MRTFA: variants seen among roughly 807,000 people sequenced by gnomAD.
The protein encoded by MRTFA is myocardin-related transcription factor A.
In MRTFA, 20 loss-of-function variants were observed where a neutral mutation model predicts 83.5. The observed-to-expected ratio is 0.24, with a 90% CI of 0.17 to 0.35. The LOEUF is 0.35. Ranked by LOEUF, MRTFA falls within the 10% of genes least tolerant of loss-of-function variation. MRTFA has a pLI of 1.00. For synonymous variants in MRTFA, 659 were observed against 541.2 expected (o/e 1.22, Z -3.02); for missense variants, 1,200 against 1,224.7 (o/e 0.98, Z 0.30).
intron 1 of MRTFA, among the ~76,000 whole-genome samples, chr22:40,599,252 C>G: frequency 6.6e-6 from 1 of 150,720 alleles, no homozygotes; most frequent in Non-Finnish European, 1.5e-5. Flanking sequence ...GAGCCGAGAT[C>G]GGGCCATTGC....
intron 2 of MRTFA, among the ~76,000 whole-genome samples, chr22:40,583,367 C>A (rs752360825): frequency 6.6e-6 from 1 of 152,178 alleles, no homozygotes; most frequent in Non-Finnish European, 1.5e-5. Flanking sequence ...AATTTTCCTG[C>A]AGAAGTGCCT....
At chr22:40,539,902 TATC>T (rs376110766) in intron 3 of MRTFA, among the ~76,000 whole-genome samples, 2 of 149,790 alleles carry the variant, frequency 1.3e-5, no homozygotes, top group African/African-American at 4.9e-5. Flanking sequence ...TTTTCACGGT[TATC>T]TTTTTTTTTT....
At chr22:40,420,702 G>A (rs995635709) in intron 10 of MRTFA, 126 bp from the exon 11 acceptor site, 30 of 1,533,414 alleles carry the variant, frequency 2.0e-5, no homozygotes, top group Non-Finnish European at 2.5e-5. Context: ...CAAAGGCTAG[G>A]GTGGCCCTGC....
chr22:40,502,768 G>A (rs1015419054), intron 3 of MRTFA, among the ~76,000 whole-genome samples: 2 of 151,614 alleles, frequency 1.3e-5, no homozygotes, highest in Non-Finnish European at 2.9e-5. Context: ...CCCGGGCGGC[G>A]CTCGCCGGCG....
chr22:40,523,156 C>A (rs118014095), intron 3 of MRTFA, among the ~76,000 whole-genome samples: 1 of 150,848 alleles, frequency 6.6e-6, no homozygotes, highest in South Asian at 2.1e-4. Context: ...AAATTGTGAA[C>A]GTTTATCTAA....
chr22:40,465,270 A>C (rs1211142601), intron 3 of MRTFA, among the ~76,000 whole-genome samples: 1 of 152,132 alleles, frequency 6.6e-6, no homozygotes, highest in East Asian at 1.9e-4. Flanking sequence ...TCCCTTACTG[A>C]TATATGTCCC....
chr22:40,591,155 A>AAATC (rs2056115529), intron 2 of MRTFA, among the ~76,000 whole-genome samples: 1 of 152,040 alleles, frequency 6.6e-6, no homozygotes, highest in Non-Finnish European at 1.5e-5. Context: ...ATAAATAAAT[A>AAATC]AATAGCAAAT....
intron 2 of MRTFA, chr22:40,569,230 AC>A (rs2147341478): frequency 6.3e-6 from 1 of 157,682 alleles, no homozygotes; most frequent in African/African-American, 2.4e-5. Context: ...CCAGCCTGAG[AC>A]CCTGTCTCTG....
In MRTFA at chr22:40,558,090, C is replaced by CT. The variant is rs999185079; in HGVS notation, c.-21-5724dup. On this transcript the variant is annotated intron_variant, in intron 2 of 14. Transcript: ENST00000355630. ...CCGAGTCCAGCCTTTTTCTTTCTTT[C>CT]TTTTTTTTTTTAAGGGACAGGGTCT... Among the ~76,000 whole-genome samples, 106 of 144,546 alleles carry CT rather than the reference C, an allele frequency of 7.3e-4. 1 individual carries two copies. Among genetic ancestry groups the CT allele is most frequent in the Middle Eastern group, 3.6e-3 (1 of 274 alleles). The allele number at this position is 144,546 out of a possible 152,430, so 94.8% of individuals were successfully genotyped here.
intron 4 of MRTFA, among the ~76,000 whole-genome samples, chr22:40,459,822 C>CACACACAT (rs1308675939): frequency 1.5e-5 from 1 of 68,266 alleles, no homozygotes; most frequent in Non-Finnish European, 2.8e-5. Context: ...CACACACACA[C>CACACACAT]ATATATACAT....
At chr22:40,443,149 G>T (rs956260161) in intron 4 of MRTFA, among the ~76,000 whole-genome samples, 6 of 152,108 alleles carry the variant, frequency 3.9e-5, no homozygotes, top group African/African-American at 1.4e-4. Context: ...CTCCTCAGGA[G>T]GCTGAGGCAG....
chr22:40,564,810 C>T (rs1400228573), intron 2 of MRTFA, among the ~76,000 whole-genome samples: 3 of 152,124 alleles, frequency 2.0e-5, no homozygotes, highest in Non-Finnish European at 2.9e-5. Context: ...CGCCGCCATT[C>T]CCGGCTCATT....
At chr22:40,626,902 A>C (rs867515216) in intron 1 of MRTFA, among the ~76,000 whole-genome samples, 9 of 123,752 alleles carry the variant, frequency 7.3e-5, no homozygotes, top group Admixed American at 1.6e-4. Flanking sequence ...CACACACACT[A>C]ACTAAAGCCA....
chr22:40,412,624 T>TCA (rs1238240104), intron 14 of MRTFA: 1 of 152,170 alleles, frequency 6.6e-6, no homozygotes, highest in East Asian at 1.9e-4. Flanking sequence ...CAACAGCCTG[T>TCA]CACAAAAGAC....
intron 3 of MRTFA, among the ~76,000 whole-genome samples, chr22:40,532,977 T>C (rs1378296365): frequency 6.6e-6 from 1 of 152,236 alleles, no homozygotes; most frequent in African/African-American, 2.4e-5. Context: ...AAACTAACTA[T>C]ATTTTTAAAA....
At chr22:40,461,271 A>G (rs1232189903) in intron 4 of MRTFA, among the ~76,000 whole-genome samples, 3 of 151,616 alleles carry the variant, frequency 2.0e-5, no homozygotes, top group Admixed American at 2.0e-4. Context: ...CACTTGTTAT[A>G]AGGTTCTCTT....
intron 3 of MRTFA, among the ~76,000 whole-genome samples, chr22:40,536,322 C>T (rs376369381): frequency 6.6e-5 from 10 of 150,694 alleles, no homozygotes; most frequent in East Asian, 3.9e-4. Context: ...ATAAATGGGC[C>T]GAAGCCGCCG....
intron 4 of MRTFA, among the ~76,000 whole-genome samples, chr22:40,459,856 T>C (rs1165671730): frequency 6.4e-5 from 9 of 139,542 alleles, no homozygotes; most frequent in Admixed American, 3.6e-4. Flanking sequence ...TATATATATA[T>C]ATATATACAC....
chr22:40,513,598 A>C, intron 3 of MRTFA, among the ~76,000 whole-genome samples: 1 of 140,550 alleles, frequency 7.1e-6, no homozygotes, highest in Admixed American at 7.1e-5. Flanking sequence ...CGAAGACTCC[A>C]TCTCAAAAAA....
Sources: allele counts gnomAD v4.1 joint callset (sites outside exome capture counted in the v4.1 genomes callset), GRCh38; gene constraint gnomAD v4.1.1; transcripts MANE v1.5; gene names NCBI Gene and HGNC (gene_info 2026-07-23, HGNC 2026-07-21).